The following SCGB2B2 variants were observed in gnomAD, a reference collection of about 807,000 sequenced individuals.
SCGB2B2 encodes the protein secretoglobin-like protein.
Under a neutral mutation model 7.6 loss-of-function variants are expected in SCGB2B2, and 11 were observed. That is an observed-to-expected ratio of 1.45 (90% CI 0.91 to 2.40). SCGB2B2 has a LOEUF of 2.40. Ranked by LOEUF, SCGB2B2 falls within the 30% of genes most tolerant of loss-of-function variation. The pLI, the probability that SCGB2B2 is intolerant of heterozygous loss-of-function variation, is 0.00. For synonymous variants in SCGB2B2, 50 were observed against 48.6 expected, an observed-to-expected ratio of 1.03 and a Z score of -0.12; for missense variants, 104 against 115.4, an observed-to-expected ratio of 0.90 and a Z score of 0.45.
Position 34,667,566 on chromosome 19 carries a change from A to G in SCGB2B2, c.-2032+8064T>C, listed in dbSNP as rs577935281. On this transcript the variant is annotated intron_variant, in intron 1 of 3. Coordinates refer to ENST00000601241, the MANE Select transcript of SCGB2B2 (RefSeq NM_001025591.4). ...CAAGTAACCAATGGGAAGCCTCTAG[A>G]GGGTATTTAGACCCCAGGAAATTCT... Among the ~76,000 whole-genome samples the G allele has an allele frequency of 3.9e-5, 6 of 152,264 alleles. No individual in the cohort carries two copies. The South Asian group carries it at 1.2e-3, about 32-fold the overall frequency.
chr19:34,600,918 G>GGTGTGTGT (rs59535318), intron 1 of SCGB2B2, among the ~76,000 whole-genome samples: 3,208 of 150,106 alleles, frequency 0.021, 50 homozygotes, highest in Non-Finnish European at 0.031. Flanking sequence ...CTCGGGGTGT[G>GGTGTGTGT]GTGTGTGTGT....
intron 1 of SCGB2B2, among the ~76,000 whole-genome samples, chr19:34,622,529 T>A (rs967584700): frequency 6.6e-6 from 1 of 152,208 alleles, no homozygotes. Context: ...ATCATTTCCT[T>A]ACCTAGTGCT....
At chr19:34,637,587 C>A in intron 1 of SCGB2B2, 1 of 175,898 alleles carries the variant, frequency 5.7e-6, no homozygotes. Context: ...CACAACTCAT[C>A]ATGAGACAGG....
chr19:34,636,216 C>T (rs763996885), intron 1 of SCGB2B2, among the ~76,000 whole-genome samples: 68 of 152,274 alleles, frequency 4.5e-4, no homozygotes, highest in Middle Eastern at 3.4e-3. Context: ...GACTGACTTT[C>T]GTGGGAGAGG....
At chr19:34,658,842 G>T (rs1358057154) in intron 1 of SCGB2B2, among the ~76,000 whole-genome samples, 1 of 141,142 alleles carries the variant, frequency 7.1e-6, no homozygotes, top group African/African-American at 2.7e-5. Flanking sequence ...AAAAGAGAGA[G>T]AATTTTAGGC....
chr19:34,616,178 A>G (rs2066073580), intron 1 of SCGB2B2, among the ~76,000 whole-genome samples: 6 of 150,320 alleles, frequency 4.0e-5, no homozygotes, highest in Non-Finnish European at 1.5e-5. Flanking sequence ...TAGCAGCATA[A>G]TTTATAGTCC....
intron 1 of SCGB2B2, among the ~76,000 whole-genome samples, chr19:34,633,790 T>TA (rs34052994): frequency 0.86 from 131,190 of 152,114 alleles, 57,234 homozygotes; most frequent in African/African-American, 0.93. Flanking sequence ...AATAGAGCTT[T>TA]AAAAAATGGC....
chr19:34,650,060 A>G (rs1477744089), intron 1 of SCGB2B2, among the ~76,000 whole-genome samples: 1 of 151,222 alleles, frequency 6.6e-6, no homozygotes, highest in Non-Finnish European at 1.5e-5. Flanking sequence ...TGTCTCCAGC[A>G]TGGGCTCTGC....
At chr19:34,633,815 C>A (rs897783704) in intron 1 of SCGB2B2, among the ~76,000 whole-genome samples, 1 of 152,138 alleles carries the variant, frequency 6.6e-6, no homozygotes, top group South Asian at 2.1e-4. Flanking sequence ...CATAAAAAAT[C>A]TGGGTCTCCT....
At chr19:34,589,870 G>C (rs929110280), downstream of SCGB2B2, among the ~76,000 whole-genome samples, 2 of 152,132 alleles carry the variant, frequency 1.3e-5, no homozygotes, top group African/African-American at 4.8e-5. Flanking sequence ...TCCTGGAGCC[G>C]CAGGTGCTGC....
At chr19:34,659,047 T>C (rs931278386) in intron 1 of SCGB2B2, among the ~76,000 whole-genome samples, 2 of 152,160 alleles carry the variant, frequency 1.3e-5, no homozygotes, top group African/African-American at 4.8e-5. Context: ...ACCACATGAT[T>C]ATCTCAATGG....
intron 1 of SCGB2B2, among the ~76,000 whole-genome samples, chr19:34,604,074 A>G (rs1032899976): frequency 5.3e-5 from 8 of 152,054 alleles, no homozygotes; most frequent in Admixed American, 2.0e-4. Context: ...GATTAATTTA[A>G]TGTTCAAGAA....
intron 1 of SCGB2B2, among the ~76,000 whole-genome samples, chr19:34,656,238 G>A (rs2067279089): frequency 6.6e-6 from 1 of 151,206 alleles, no homozygotes; most frequent in Non-Finnish European, 1.5e-5. Flanking sequence ...AGAGCCTAAG[G>A]GAAAAAACTG....
chr19:34,610,275 C>A (rs1265784575), intron 1 of SCGB2B2, among the ~76,000 whole-genome samples: 1 of 152,058 alleles, frequency 6.6e-6, no homozygotes, highest in African/African-American at 2.4e-5. Flanking sequence ...TTGGCATCCT[C>A]CTATCCAGGC....
At chr19:34,610,767 A>AGTT (rs1555744986) in intron 1 of SCGB2B2, among the ~76,000 whole-genome samples, 4 of 101,894 alleles carry the variant, frequency 3.9e-5, no homozygotes, top group Admixed American at 9.1e-5. Context: ...ATTGGCCTAT[A>AGTT]GTTTTTTTTT....
At chr19:34,647,560 C>T (rs1437112508) in intron 1 of SCGB2B2, among the ~76,000 whole-genome samples, 3 of 143,688 alleles carry the variant, frequency 2.1e-5, no homozygotes, top group Non-Finnish European at 3.1e-5. Flanking sequence ...TCTCAGGCCA[C>T]GTCTTCTCGC....
chr19:34,661,215 A>G (rs367948981), intron 1 of SCGB2B2, among the ~76,000 whole-genome samples: 3 of 152,292 alleles, frequency 2.0e-5, no homozygotes, highest in East Asian at 3.9e-4. Context: ...TGGCACATGT[A>G]TACCTATGTA....
At chr19:34,636,383 G>C (rs891794767) in intron 1 of SCGB2B2, among the ~76,000 whole-genome samples, 1 of 152,166 alleles carries the variant, frequency 6.6e-6, no homozygotes, top group African/African-American at 2.4e-5. Flanking sequence ...ACAGCGATGG[G>C]ATGCAGCCCA....
At position 34,593,345 on chromosome 19, in the gene SCGB2B2, A is replaced by G. The variant is rs896938381; in HGVS notation, c.*210T>C. 9.3e-6 allele frequency: 5 copies of G among 536,552 alleles called. No individual in the cohort carries two copies. Among genetic ancestry groups the G allele is most frequent in the South Asian group, 2.6e-5 (1 of 37,806 alleles). 33.2% of individuals were successfully genotyped at this position (536,552 alleles called of 1,614,324 possible). On this transcript the variant is annotated 3_prime_UTR_variant, in exon 4 of 4. Coordinates refer to ENST00000601241, the MANE Select transcript of SCGB2B2 (RefSeq NM_001025591.4). ...AGGCATGTCTATGCTACACCTGTAG[A>G]GTTTTTCCTCAGTCGCATATTTTCA...
Sources: gnomAD v4.1 joint callset for allele counts (sites outside exome capture counted in the v4.1 genomes callset) on GRCh38, gnomAD v4.1.1 for gene constraint, MANE v1.5 for transcripts, NCBI Gene and HGNC (gene_info 2026-07-23, HGNC 2026-07-21) for gene names.